Variants in SEMA6A observed in about 807,000 individuals in gnomAD.
The protein encoded by SEMA6A is semaphorin 6A, also known as semaphorin-6A.
Under a neutral mutation model 96.8 loss-of-function variants are expected in SEMA6A, and 25 were observed. That is an observed-to-expected ratio of 0.26 (90% CI 0.19 to 0.36). The LOEUF (loss-of-function observed/expected upper bound fraction) is 0.36, where lower values mean the gene tolerates loss of function less well. SEMA6A is among the 10% of genes least tolerant of loss of function. The probability of loss-of-function intolerance (pLI) is 1.00; values close to 1 mark genes in which losing one functional copy is unlikely to be tolerated. For missense variants in SEMA6A, 1,363 were observed against 1,323.1 expected (o/e 1.03, Z -0.47); for synonymous variants, 612 against 518.0 (o/e 1.18, Z -2.46).
chr5:116,485,985 G>C (rs1757031880), intron 10 of SEMA6A, among the ~76,000 whole-genome samples: 2 of 152,160 alleles, frequency 1.3e-5, no homozygotes, highest in Admixed American at 1.3e-4. Context: ...GCATCATTTA[G>C]TTGCTCAAAG....
Position 116,467,750 on chromosome 5 carries a change from G to A in SEMA6A, c.1730-3C>T. On this transcript the variant is annotated splice_region_variant and splice_polypyrimidine_tract_variant and intron_variant, in intron 17 of 18. Transcript: ENST00000343348. ...GGGCAAGAGGGAACTGGAATGCCCT[G>A]TTTTCATCACAAATACAGTTAGGAA... 1.9e-6 allele frequency: 3 copies of A among 1,613,468 alleles called. No homozygotes were observed. The highest frequency in any genetic ancestry group is 2.5e-6 in the Non-Finnish European group (3 of 1,179,682).
intron 2 of SEMA6A, among the ~76,000 whole-genome samples, chr5:116,503,660 C>A (rs1190137156): frequency 6.6e-6 from 1 of 152,090 alleles, no homozygotes; most frequent in Non-Finnish European, 1.5e-5. Context: ...CAGGCATGCA[C>A]CACCATGCCC....
At chr5:116,527,197 CAAACACAAGTT>C (rs770222178) in intron 1 of SEMA6A, among the ~76,000 whole-genome samples, 13 of 152,008 alleles carry the variant, frequency 8.6e-5, no homozygotes, top group Non-Finnish European at 1.5e-4. Flanking sequence ...AATATCAATT[CAAACACAAGTT>C]AATTCTTCAC....
At chr5:116,464,666 G>C (rs1302511150) in intron 18 of SEMA6A, among the ~76,000 whole-genome samples, 1 of 152,134 alleles carries the variant, frequency 6.6e-6, no homozygotes, top group Non-Finnish European at 1.5e-5. Context: ...TAGCAGAAGG[G>C]GGTTAGGCTG....
chr5:116,481,148 T>C (rs1403777827), intron 11 of SEMA6A, among the ~76,000 whole-genome samples: 1 of 152,174 alleles, frequency 6.6e-6, no homozygotes, highest in African/African-American at 2.4e-5. Context: ...GAGGCAGGCA[T>C]GTGGAAGGAT....
At chr5:116,479,019 C>T (rs1421459594) in intron 12 of SEMA6A, among the ~76,000 whole-genome samples, 4 of 151,690 alleles carry the variant, frequency 2.6e-5, no homozygotes, top group Non-Finnish European at 4.4e-5. Context: ...AGCAATAATC[C>T]CCTTCATGAA....
chr5:116,494,899 G>C (rs113457741), intron 6 of SEMA6A, among the ~76,000 whole-genome samples: 1 of 151,314 alleles, frequency 6.6e-6, no homozygotes, highest in African/African-American at 2.4e-5. Context: ...CTTTAAGAGG[G>C]CTTTTTCCAG....
At chr5:116,553,715 G>A (rs887143851) in intron 1 of SEMA6A, among the ~76,000 whole-genome samples, 1 of 152,154 alleles carries the variant, frequency 6.6e-6, no homozygotes, top group Non-Finnish European at 1.5e-5. Context: ...AGGAGCAGGA[G>A]CCACACTAGA....
chr5:116,536,738 T>C (rs1759730243), intron 1 of SEMA6A, among the ~76,000 whole-genome samples: 1 of 150,330 alleles, frequency 6.7e-6, no homozygotes, highest in Non-Finnish European at 1.5e-5. Context: ...AATAGCTCCA[T>C]GTGCCGTGTT....
chr5:116,470,749 G>A (rs973157998), intron 17 of SEMA6A, among the ~76,000 whole-genome samples: 1 of 152,176 alleles, frequency 6.6e-6, no homozygotes, highest in Non-Finnish European at 1.5e-5. Context: ...GGGTTGGGCA[G>A]TTCTGGTTTT....
chr5:116,527,137 G>T (rs1759262731), intron 1 of SEMA6A, among the ~76,000 whole-genome samples: 1 of 152,038 alleles, frequency 6.6e-6, no homozygotes, highest in Non-Finnish European at 1.5e-5. Context: ...GATATTTATT[G>T]TGTCTACTCC....
chr5:116,496,416 A>G, intron 4 of SEMA6A, 103 bp from the exon 5 acceptor site: 1 of 909,598 alleles, frequency 1.1e-6, no homozygotes, highest in South Asian at 1.5e-5. Flanking sequence ...ACATATATTT[A>G]TTGAAAGCTT....
intron 6 of SEMA6A, among the ~76,000 whole-genome samples, chr5:116,495,090 G>C (rs56360517): frequency 0.018 from 2,769 of 152,282 alleles, 85 homozygotes; most frequent in African/African-American, 0.062. Context: ...GTTAGATAGT[G>C]GGGTGGGAGG....
chr5:116,455,185 T>C (rs1754932311), intron 18 of SEMA6A, among the ~76,000 whole-genome samples: 1 of 152,170 alleles, frequency 6.6e-6, no homozygotes, highest in Non-Finnish European at 1.5e-5. Context: ...AACGCTCAGT[T>C]CACTGTTCCT....
intron 1 of SEMA6A, among the ~76,000 whole-genome samples, chr5:116,508,690 A>C (rs1030836542): frequency 6.6e-6 from 1 of 152,226 alleles, no homozygotes; most frequent in Non-Finnish European, 1.5e-5. Flanking sequence ...TTCTTAAAAA[A>C]AATCAGAGGT....
intron 6 of SEMA6A, among the ~76,000 whole-genome samples, chr5:116,493,948 TCC>T (rs1316152260): frequency 6.6e-6 from 1 of 151,958 alleles, no homozygotes; most frequent in Non-Finnish European, 1.5e-5. Context: ...ACCTTCACAC[TCC>T]CCCAACCCCC....
At chr5:116,502,581 G>T (rs1459681423) in intron 2 of SEMA6A, 7 of 418,176 alleles carry the variant, frequency 1.7e-5, no homozygotes, top group East Asian at 4.3e-5. Context: ...CACAATTTTT[G>T]ATTTGTCTCT....
chr5:116,486,964 T>C lies in SEMA6A; in HGVS notation c.747A>G (p.Val249=). The change falls in exon 10 of 19, where the codon GTA becomes GTG. Residue 249 remains valine (V), a splice_region_variant and synonymous_variant. Coordinates refer to ENST00000343348, the MANE Select transcript of SEMA6A (RefSeq NM_020796.5). ...AAACCTGAGCCACTCTTGGGAAAAC[T>C]ACCTGCAGAGGAAAAACACATAGGG... ...IAVEYNTMGK[V]VFPRVAQVCK... is the part of the protein sequence containing the mutation. 2.3e-5 allele frequency: 37 copies of C among 1,611,492 alleles called. No homozygotes were observed. The highest frequency in any genetic ancestry group is 3.1e-5 in the Non-Finnish European group (37 of 1,177,826).
intron 18 of SEMA6A, among the ~76,000 whole-genome samples, chr5:116,465,242 G>A (rs1415205461): frequency 1.3e-5 from 2 of 152,176 alleles, no homozygotes; most frequent in Non-Finnish European, 2.9e-5. Context: ...GTCAGAAAAG[G>A]AACAAGACTT....
Sources: allele counts gnomAD v4.1 joint callset (sites outside exome capture counted in the v4.1 genomes callset), GRCh38; gene constraint gnomAD v4.1.1; transcripts MANE v1.5; gene names NCBI Gene and HGNC (gene_info 2026-07-23, HGNC 2026-07-21).